LIFR: variants seen among roughly 807,000 people sequenced by gnomAD.
LIFR encodes the protein LIF receptor subunit alpha.
In LIFR, 84 loss-of-function variants were observed where a neutral mutation model predicts 122.2. The observed-to-expected ratio is 0.69, with a 90% CI of 0.58 to 0.82. The LOEUF is 0.82. Among genes scored for constraint, LIFR ranks in the 40% least tolerant of loss-of-function variants. The probability of loss-of-function intolerance (pLI) is 0.00; values close to 1 mark genes in which losing one functional copy is unlikely to be tolerated. For synonymous variants in LIFR, 422 were observed against 434.7 expected (o/e 0.97, Z 0.36); for missense variants, 1,294 against 1,311.6 (o/e 0.99, Z 0.21).
intron 12 of LIFR, among the ~76,000 whole-genome samples, chr5:38,499,168 A>T (rs1214342573): frequency 2.6e-5 from 4 of 152,340 alleles, no homozygotes; most frequent in Non-Finnish European, 5.9e-5. Flanking sequence ...ATAAAAATTT[A>T]CTTTCCTATT....
At chr5:38,596,545 GA>G (rs35435544), upstream of LIFR, among the ~76,000 whole-genome samples, 48,089 of 151,660 alleles carry the variant, frequency 0.32, 8,825 homozygotes, top group Non-Finnish European at 0.41. Context: ...TGCTGGACTA[GA>G]GACCACACTT....
intron 3 of LIFR, among the ~76,000 whole-genome samples, chr5:38,528,005 G>C (rs534313388): frequency 1.3e-5 from 2 of 152,320 alleles, no homozygotes; most frequent in African/African-American, 4.8e-5. Context: ...CTCTGGACTT[G>C]AATGGGTCCA....
At chr5:38,598,232 TA>T (rs71963527), upstream of LIFR, among the ~76,000 whole-genome samples, 2,057 of 73,026 alleles carry the variant, frequency 0.028, 262 homozygotes, top group African/African-American at 0.065. Context: ...TTTTTTTTTT[TA>T]TTTATTTATT....
At chr5:38,574,919 C>A (rs1298512500) in intron 1 of LIFR, among the ~76,000 whole-genome samples, 1 of 152,044 alleles carries the variant, frequency 6.6e-6, no homozygotes, top group Non-Finnish European at 1.5e-5. Context: ...TCTTTTGTTC[C>A]CCTGCAACCC....
chr5:38,482,297 T>C (rs2112357464), intron 19 of LIFR, 79 bp from the exon 20 acceptor site: 1 of 1,387,744 alleles, frequency 7.2e-7, no homozygotes, highest in Non-Finnish European at 9.8e-7. Context: ...AAGGGACACA[T>C]TTTTCCCCAA....
Position 38,493,667 on chromosome 5 carries a change from T to G in LIFR, c.2004A>C (p.Glu668Asp). The G allele has an allele frequency of 6.2e-7, 1 of 1,614,212 alleles. No individual in the cohort carries two copies. The highest frequency in any genetic ancestry group is 8.5e-7 in the Non-Finnish European group (1 of 1,180,036). ...CTTTTCTCCAGTCCATAAGGCATGG[T>G]TCCGACCGAGACGAGTTACACCACT... ...VIKWCNSSRSEPCLMDWRKVP... is the reference protein window; with the variant it reads ...VIKWCNSSRSDPCLMDWRKVP... The change falls in exon 14 of 20, where the codon GAA becomes GAC. Residue 668 changes from glutamate to aspartate, a missense_variant. Transcript: ENST00000453190.
At chr5:38,506,425 G>C in intron 8 of LIFR, 78 bp downstream of exon 8, 3 of 1,503,850 alleles carry the variant, frequency 2.0e-6, no homozygotes, top group South Asian at 2.3e-5. Context: ...AAATGATCTA[G>C]TGCAGTTCCC....
chr5:38,583,669 A>C (rs1749658167), intron 1 of LIFR, among the ~76,000 whole-genome samples: 1 of 152,184 alleles, frequency 6.6e-6, no homozygotes, highest in African/African-American at 2.4e-5. Flanking sequence ...TCTCCAGAGA[A>C]GACATAAAAT....
chr5:38,486,162 G>C (rs1454672878), intron 16 of LIFR, among the ~76,000 whole-genome samples, 182 bp from the exon 17 acceptor site: 1 of 152,132 alleles, frequency 6.6e-6, no homozygotes, highest in East Asian at 1.9e-4. Flanking sequence ...TAGCTGTGTC[G>C]TATGGGCCCC....
chr5:38,573,600 C>T (rs923053463), intron 1 of LIFR, among the ~76,000 whole-genome samples: 1 of 152,134 alleles, frequency 6.6e-6, no homozygotes, highest in African/African-American at 2.4e-5. Flanking sequence ...TTGTAAGTTA[C>T]TGTTTATGCA....
chr5:38,486,643 C>A (rs958324493), intron 16 of LIFR, among the ~76,000 whole-genome samples: 1 of 152,158 alleles, frequency 6.6e-6, no homozygotes, highest in South Asian at 2.1e-4. Flanking sequence ...CTCCTCCCCT[C>A]GCCCCCTACA....
chr5:38,553,345 T>C (rs1162621294), intron 1 of LIFR, among the ~76,000 whole-genome samples: 1 of 151,970 alleles, frequency 6.6e-6, no homozygotes, highest in East Asian at 1.9e-4. Flanking sequence ...GCAACCCTGA[T>C]TGCTTTCTTT....
In LIFR at chr5:38,504,036, A is replaced by C. The variant is rs750755034; in HGVS notation, c.1377T>G (p.Phe459Leu). Residue 459 changes from phenylalanine to leucine, a missense_variant, in exon 10 of 20, where the codon TTT (phenylalanine) becomes TTG (leucine). Transcript: ENST00000453190. ...VKLSWHLPGNFAKINFLCEIE... is the reference protein window; with the variant it reads ...VKLSWHLPGNLAKINFLCEIE... ...TTTCACATAAAAAATTAATCTTTGC[A>C]AAGTTGCCTGGTAAATGCCAAGAAA... The C allele has an allele frequency of 1.3e-6, 2 of 1,592,634 alleles. No homozygotes were observed. The highest frequency in any genetic ancestry group is 2.2e-5 in the East Asian group (1 of 44,632).
intron 1 of LIFR, among the ~76,000 whole-genome samples, chr5:38,554,549 G>A (rs759467531): frequency 2.6e-5 from 4 of 152,196 alleles, no homozygotes; most frequent in African/African-American, 4.8e-5. Context: ...AGAGAATGAG[G>A]CAGATTCTCT....
chr5:38,563,183 G>C (rs1748896259), intron 1 of LIFR, among the ~76,000 whole-genome samples: 1 of 152,074 alleles, frequency 6.6e-6, no homozygotes, highest in Non-Finnish European at 1.5e-5. Context: ...AGGCTATTTT[G>C]TTCCCAGGGT....
At chr5:38,603,385 T>TA (rs1389978971) in intron 2 of LIFR, among the ~76,000 whole-genome samples, 1 of 152,216 alleles carries the variant, frequency 6.6e-6, no homozygotes, top group African/African-American at 2.4e-5. Context: ...TGAGTTATTT[T>TA]AAAAGGTATT....
chr5:38,594,294 A>T (rs558800299), intron 1 of LIFR, among the ~76,000 whole-genome samples: 1 of 152,312 alleles, frequency 6.6e-6, no homozygotes, highest in African/African-American at 2.4e-5. Flanking sequence ...GAAAAGAAGG[A>T]TGAACAGATG....
At chr5:38,509,044 T>C (rs1252348902) in intron 7 of LIFR, among the ~76,000 whole-genome samples, 5 of 152,202 alleles carry the variant, frequency 3.3e-5, no homozygotes, top group African/African-American at 1.2e-4. Flanking sequence ...TCAACAAATA[T>C]TGTACAATAT....
At chr5:38,593,695 A>G (rs1176838274) in intron 1 of LIFR, among the ~76,000 whole-genome samples, 1 of 152,212 alleles carries the variant, frequency 6.6e-6, no homozygotes, top group Non-Finnish European at 1.5e-5. Context: ...TGGCATTAGC[A>G]GGTGGGGCCT....
Sources: allele counts gnomAD v4.1 joint callset (sites outside exome capture counted in the v4.1 genomes callset), GRCh38; gene constraint gnomAD v4.1.1; transcripts MANE v1.5; gene names NCBI Gene and HGNC (gene_info 2026-07-23, HGNC 2026-07-21).